BTBD8: variants seen among roughly 807,000 people sequenced by gnomAD.
The protein encoded by BTBD8 is BTB domain containing 8, also known as BTB/POZ domain-containing protein 8.
In BTBD8, 110 loss-of-function variants were observed where a neutral mutation model predicts 162.9. The observed-to-expected ratio is 0.68, with a 90% CI of 0.58 to 0.79. BTBD8 has a LOEUF of 0.79. Among genes scored for constraint, BTBD8 ranks in the 30% least tolerant of loss-of-function variants. The pLI is 0.00. For missense variants in BTBD8, 1,905 were observed against 2,085.4 expected (o/e 0.91, Z 1.68); for synonymous variants, 667 against 716.1 (o/e 0.93, Z 1.10).
Position 92,181,141 on chromosome 1 carries a change from C to G in BTBD8, c.3458C>G (p.Thr1153Arg). ...GTTTCACTGTGTAATCCTGAAAGGA[C>G]AAATGGTACCTTAAATTCTGCTCAA... is the stretch of plus-strand genomic sequence containing the variant. ...EDVSLCNPER[T>R]NGTLNSAQED... The change falls in exon 17 of 18, where the codon ACA becomes AGA. Residue 1153 changes from threonine (T) to arginine (R), a missense_variant. Physicochemically the swap from Thr to Arg is moderately conservative, Grantham distance 71. Coordinates refer to ENST00000636805, the MANE Select transcript of BTBD8 (RefSeq NM_001376131.1). 2 of 1,551,504 alleles carry G rather than the reference C, an allele frequency of 1.3e-6. No homozygotes were observed.
intron 3 of BTBD8, among the ~76,000 whole-genome samples, chr1:92,103,723 T>G (rs562018088): frequency 6.6e-6 from 1 of 152,314 alleles, no homozygotes; most frequent in Admixed American, 6.5e-5. Flanking sequence ...GAAGGTAGTT[T>G]CCTTACCCTG....
intron 4 of BTBD8, among the ~76,000 whole-genome samples, chr1:92,112,363 A>G (rs1648922075): frequency 6.6e-6 from 1 of 152,150 alleles, no homozygotes; most frequent in African/African-American, 2.4e-5. Context: ...AGTGAGTGCC[A>G]TTGCATTCCA....
chr1:92,125,395 C>T, intron 4 of BTBD8: 1 of 245,440 alleles, frequency 4.1e-6, no homozygotes, highest in Non-Finnish European at 8.2e-6. Flanking sequence ...AGGCACTGCT[C>T]AAAGATTCTA....
At chr1:92,180,240 G>T in intron 16 of BTBD8, 25 bp from the exon 17 acceptor site, 1 of 1,487,304 alleles carries the variant, frequency 6.7e-7, no homozygotes, top group Non-Finnish European at 9.0e-7. Context: ...TTACATTACT[G>T]AATATACCCT....
At chr1:92,126,214 A>G (rs1649354643) in intron 4 of BTBD8, 1 of 537,116 alleles carries the variant, frequency 1.9e-6, no homozygotes, top group Admixed American at 2.1e-5. Context: ...ATTATTCTAG[A>G]GGGGCCAGCT....
intron 2 of BTBD8, among the ~76,000 whole-genome samples, chr1:92,092,819 CAG>C (rs1168028286): frequency 6.6e-6 from 1 of 152,060 alleles, no homozygotes; most frequent in African/African-American, 2.4e-5. Context: ...CCTTATATCC[CAG>C]ACATTTTTTG....
chr1:92,154,933 T>C (rs1057496947), intron 9 of BTBD8, among the ~76,000 whole-genome samples: 1 of 152,212 alleles, frequency 6.6e-6, no homozygotes, highest in African/African-American at 2.4e-5. Flanking sequence ...TGAGTTGATA[T>C]TTGGGTATGT....
chr1:92,104,747 A>G (rs952157979), intron 3 of BTBD8, among the ~76,000 whole-genome samples: 4 of 152,072 alleles, frequency 2.6e-5, no homozygotes, highest in African/African-American at 9.7e-5. Context: ...CATACTGTTA[A>G]TACTGCCCTC....
At chr1:92,118,247 A>G (rs1649096510) in intron 4 of BTBD8, among the ~76,000 whole-genome samples, 1 of 146,290 alleles carries the variant, frequency 6.8e-6, no homozygotes, top group Non-Finnish European at 1.5e-5. Flanking sequence ...CTGTCTCCTT[A>G]GGCTCCTCTT....
chr1:92,100,976 A>T (rs1648576509), intron 2 of BTBD8, among the ~76,000 whole-genome samples: 1 of 152,004 alleles, frequency 6.6e-6, no homozygotes, highest in African/African-American at 2.4e-5. Context: ...GTTTGGTTAC[A>T]TTAATAAGTT....
At position 92,166,976 on chromosome 1, in the gene BTBD8, T is replaced by C. The variant is rs1038941366; in HGVS notation, c.1141T>C (p.Phe381Leu). Reference protein sequence around the residue: ...IQSLNDKNAAFLLMESDRLII... With the variant: ...IQSLNDKNAALLLMESDRLII... ...ATCTAAGAATGATAAGAATGCTGCT[T>C]TTCTTCTGATGGAAAGTGACAGGCT... Residue 381 changes from phenylalanine to leucine, a missense_variant, in exon 10 of 18, where the codon TTT becomes CTT. Physicochemically the swap from Phe to Leu is conservative, Grantham distance 22. Transcript: ENST00000636805. 2.0e-5 allele frequency: 31 copies of C among 1,546,436 alleles called. No homozygotes were observed. Among genetic ancestry groups the C allele is most frequent in the South Asian group, 1.1e-4 (9 of 83,518 alleles).
Position 92,139,433 on chromosome 1 carries a change from A to G in BTBD8, c.833+3A>G, listed in dbSNP as rs1649714759. Reference sequence around the variant, plus strand: ...ATTCCAGACAAAACTAATGTTGGGTATGTATTCCTTTTTAATAATTTAAAA... The same window carrying G: ...ATTCCAGACAAAACTAATGTTGGGTGTGTATTCCTTTTTAATAATTTAAAA... On this transcript the variant is annotated splice_donor_region_variant and intron_variant, in intron 6 of 17. Coordinates refer to ENST00000636805, the MANE Select transcript of BTBD8 (RefSeq NM_001376131.1). The G allele has an allele frequency of 2.5e-6, 4 of 1,599,188 alleles. No individual in the cohort carries two copies. Among genetic ancestry groups the G allele is most frequent in the Non-Finnish European group, 3.4e-6 (4 of 1,176,292 alleles).
In BTBD8 at chr1:92,080,664, T is replaced by G. The variant is rs1647979971; in HGVS notation, c.93T>G (p.Cys31Trp). 6 of 1,613,380 alleles carry G rather than the reference T, an allele frequency of 3.7e-6. No homozygotes were observed. The highest frequency in any genetic ancestry group is 5.1e-6 in the Non-Finnish European group (6 of 1,179,772). ...AGGGGTTGCAAAGGAAGGGGCCGTG[T>G]GAGCGGCGCCGGCTGAAGGCGACGG... ...CSKGLQRKGP[C>W]ERRRLKATVS... The change falls in exon 1 of 18, where the codon TGT (cysteine) becomes TGG (tryptophan). Residue 31 changes from cysteine (C) to tryptophan (W), a missense_variant. Around this residue, in one of 3 missense-constraint regions of BTBD8, gnomAD observed 1,374 missense variants for 1,442.7 expected, o/e 0.95. Coordinates refer to ENST00000636805, the MANE Select transcript of BTBD8 (RefSeq NM_001376131.1).
At chr1:92,136,904 G>T (rs1300165542) in intron 5 of BTBD8, among the ~76,000 whole-genome samples, 1 of 152,198 alleles carries the variant, frequency 6.6e-6, no homozygotes, top group African/African-American at 2.4e-5. Flanking sequence ...TGGCTCATAA[G>T]TGCTCAATAG....
chr1:92,129,405 G>C (rs1480707705), intron 4 of BTBD8, among the ~76,000 whole-genome samples: 1 of 151,906 alleles, frequency 6.6e-6, no homozygotes, highest in Admixed American at 6.6e-5. Flanking sequence ...GATCATACGT[G>C]AGTCTAGGAG....
intron 12 of BTBD8, among the ~76,000 whole-genome samples, chr1:92,170,552 A>G (rs1383166842): frequency 6.6e-6 from 1 of 152,132 alleles, no homozygotes; most frequent in African/African-American, 2.4e-5. Flanking sequence ...CACATATCCT[A>G]TAGAATAGAG....
At chr1:92,160,606 G>T (rs1408416296) in intron 9 of BTBD8, among the ~76,000 whole-genome samples, 1 of 151,782 alleles carries the variant, frequency 6.6e-6, no homozygotes, top group African/African-American at 2.4e-5. Context: ...TCCTATCAGT[G>T]CTCTGAGTCA....
At chr1:92,081,557 TA>T (rs928533085) in intron 1 of BTBD8, among the ~76,000 whole-genome samples, 1 of 152,160 alleles carries the variant, frequency 6.6e-6, no homozygotes, top group African/African-American at 2.4e-5. Context: ...TACTAATAAT[TA>T]AAAGTTGTGC....
chr1:92,168,048 T>C, intron 11 of BTBD8, 63 bp downstream of exon 11: 4 of 1,422,526 alleles, frequency 2.8e-6, no homozygotes, highest in Non-Finnish European at 3.8e-6. Context: ...TTTAGATGTA[T>C]GTGCATTTTA....
Sources: gnomAD v4.1 joint callset for allele counts (sites outside exome capture counted in the v4.1 genomes callset) on GRCh38, gnomAD v4.1.1 for gene constraint, gnomAD v4.1.1 regional missense constraint, MANE v1.5 for transcripts, NCBI Gene and HGNC (gene_info 2026-07-23, HGNC 2026-07-21) for gene names.